DNAH14: variants seen among roughly 807,000 people sequenced by gnomAD.
DNAH14 encodes the protein dynein axonemal heavy chain 14.
DNAH14 carries 478 observed loss-of-function variants against 520.9 expected under a neutral mutation model. The observed-to-expected ratio is 0.92, with a 90% CI of 0.85 to 0.99. DNAH14 has a LOEUF of 0.99. Ranked by LOEUF, DNAH14 falls within the 50% of genes least tolerant of loss-of-function variation. DNAH14 has a pLI of 0.00. For missense variants in DNAH14, 4,831 were observed against 5,234.5 expected (o/e 0.92, Z 2.38); for synonymous variants, 1,581 against 1,757.2 (o/e 0.90, Z 2.51).
At chr1:225,273,727 C>A (rs1286268910) in intron 52 of DNAH14, among the ~76,000 whole-genome samples, 1 of 152,158 alleles carries the variant, frequency 6.6e-6, no homozygotes, top group Non-Finnish European at 1.5e-5. Flanking sequence ...TCATCCTTCT[C>A]CGTCTCTTTG....
intron 1 of DNAH14, among the ~76,000 whole-genome samples, chr1:224,935,625 T>C (rs996616001): frequency 2.6e-5 from 4 of 151,862 alleles, no homozygotes; most frequent in Admixed American, 6.6e-5. Flanking sequence ...GTAGGGGACT[T>C]CAATACCCCA....
chr1:225,252,869 A>G (rs1054580767), intron 44 of DNAH14, among the ~76,000 whole-genome samples: 1 of 152,190 alleles, frequency 6.6e-6, no homozygotes, highest in Admixed American at 6.5e-5. Flanking sequence ...TTTATTCCCA[A>G]TCTTCTGCAT....
rs1307551014 is a variant in DNAH14, at chr1:225,264,239, T to C, written c.7200T>C (p.His2400=). The C allele has an allele frequency of 3.2e-6, 5 of 1,550,058 alleles. No homozygotes were observed. The highest frequency in any genetic ancestry group is 8.7e-7 in the Non-Finnish European group (1 of 1,145,856). ...QNITILIPET[H]KTATGSSDNP... ...TCACCATCTTGATTCCTGAAACTCA[T>C]AAGACAGCAACTGGAAGTTCAGGTA... The change falls in exon 47 of 86, where the codon CAT becomes CAC. Residue 2400 remains histidine (H), a synonymous_variant. Coordinates refer to ENST00000682510, the MANE Select transcript of DNAH14 (RefSeq NM_001367479.1).
At chr1:225,159,227 C>G in intron 34 of DNAH14, 87 bp from the exon 35 acceptor site, 1 of 1,114,938 alleles carries the variant, frequency 9.0e-7, no homozygotes, top group South Asian at 1.5e-5. Flanking sequence ...GATAGCCACC[C>G]CTAAAACAGA....
intron 37 of DNAH14, among the ~76,000 whole-genome samples, chr1:225,185,818 C>T (rs1029525982): frequency 6.6e-6 from 1 of 151,318 alleles, no homozygotes; most frequent in East Asian, 1.9e-4. Flanking sequence ...ACAATGTTAA[C>T]TGTAATATTT....
chr1:225,340,342 A>G, intron 68 of DNAH14, 115 bp from the exon 69 acceptor site: 1 of 1,142,776 alleles, frequency 8.8e-7, no homozygotes, highest in African/African-American at 1.6e-5. Flanking sequence ...AAAGCTGAAA[A>G]ACACTAAAAA....
rs2095369770 is a variant in DNAH14, at chr1:225,351,877, G to C, written c.11527G>C (p.Glu3843Gln). 2 of 1,550,222 alleles carry C rather than the reference G, an allele frequency of 1.3e-6. No homozygotes were observed. Among genetic ancestry groups the C allele is most frequent in the Non-Finnish European group, 8.7e-7 (1 of 1,146,092 alleles). ...ATTGGAGGAAAATACAAAACCACCA[G>C]AGGAAAGTAAGAAAGCATTCAGTGT... ...ASLEENTKPP[E>Q]ETELLNENKE... The change falls in exon 72 of 86, where the codon GAG becomes CAG. Residue 3843 changes from glutamate (E) to glutamine (Q), a missense_variant. Transcript: ENST00000682510.
chr1:225,166,640 G>A (rs73135010), intron 35 of DNAH14, among the ~76,000 whole-genome samples: 5,090 of 152,174 alleles, frequency 0.033, 271 homozygotes, highest in African/African-American at 0.12. Flanking sequence ...TTGCTCACTT[G>A]AGATACAAGA....
At chr1:225,213,602 C>G (rs577549571) in intron 41 of DNAH14, among the ~76,000 whole-genome samples, 3 of 152,150 alleles carry the variant, frequency 2.0e-5, no homozygotes, top group Non-Finnish European at 4.4e-5. Flanking sequence ...GTTTCTAATT[C>G]TCCTTGAAGA....
intron 15 of DNAH14, among the ~76,000 whole-genome samples, chr1:225,046,424 A>G (rs1483193072): frequency 1.3e-5 from 2 of 152,108 alleles, no homozygotes; most frequent in Admixed American, 1.3e-4. Flanking sequence ...TAATTCTATT[A>G]TGATTTCATT....
intron 17 of DNAH14, among the ~76,000 whole-genome samples, chr1:225,073,677 G>T (rs371707661): frequency 2.0e-5 from 3 of 149,864 alleles, no homozygotes; most frequent in South Asian, 2.1e-4. Flanking sequence ...TGTTGTTGTT[G>T]TTTGTTTTTG....
At chr1:225,337,219 G>T (rs777500699) in intron 66 of DNAH14, 47 bp from the exon 67 acceptor site, 29 of 1,450,780 alleles carry the variant, frequency 2.0e-5, no homozygotes. Context: ...TACTAAAGAT[G>T]TGAAGACATT....
At chr1:225,121,765 C>T (rs958738734) in intron 26 of DNAH14, among the ~76,000 whole-genome samples, 15 of 151,904 alleles carry the variant, frequency 9.9e-5, no homozygotes, top group Non-Finnish European at 2.1e-4. Flanking sequence ...CCCTTGAACC[C>T]GGGAGGCGGA....
chr1:225,182,769 G>C (rs975300681), intron 36 of DNAH14, among the ~76,000 whole-genome samples: 1 of 152,170 alleles, frequency 6.6e-6, no homozygotes, highest in Non-Finnish European at 1.5e-5. Context: ...AGGCTGGTGA[G>C]CACAAAGAGA....
At chr1:225,189,733 TG>T (rs2085178697) in intron 37 of DNAH14, among the ~76,000 whole-genome samples, 1 of 152,044 alleles carries the variant, frequency 6.6e-6, no homozygotes, top group Non-Finnish European at 1.5e-5. Flanking sequence ...ATCATGTTTT[TG>T]TTTCTTCACT....
intron 1 of DNAH14, among the ~76,000 whole-genome samples, chr1:224,935,176 G>A (rs1211488788): frequency 1.3e-5 from 2 of 151,618 alleles, no homozygotes; most frequent in African/African-American, 4.8e-5. Flanking sequence ...GAAAAATAAA[G>A]GAACAAAGAA....
chr1:225,119,045 G>A (rs965079184), intron 25 of DNAH14, among the ~76,000 whole-genome samples, 175 bp from the exon 26 acceptor site: 1 of 151,946 alleles, frequency 6.6e-6, no homozygotes, highest in Non-Finnish European at 1.5e-5. Flanking sequence ...ATGTTCATAT[G>A]TTTTCTGCAT....
At chr1:225,226,307 A>T (rs2090527112) in intron 41 of DNAH14, among the ~76,000 whole-genome samples, 1 of 152,144 alleles carries the variant, frequency 6.6e-6, no homozygotes, top group African/African-American at 2.4e-5. Context: ...ATATCGCTCC[A>T]CTATCCTCCC....
Position 225,399,164 on chromosome 1 carries a change from T to C in DNAH14, c.13749T>C (p.Gly4583=). Residue 4583 remains glycine, a synonymous_variant, in exon 86 of 86, where the codon GGT becomes GGC. Coordinates refer to ENST00000682510, the MANE Select transcript of DNAH14 (RefSeq NM_001367479.1). ...PERSRILATT[G]LPTNFLTSVY... is the part of the protein sequence containing the mutation. ...GGTCAAGAATTTTGGCAACTACCGG[T>C]TTACCAACAAACTTTTTAACATCAG... is the stretch of plus-strand genomic sequence containing the variant. 6.4e-7 allele frequency: 1 copy of C among 1,551,638 alleles called. No homozygotes were observed. The highest frequency in any genetic ancestry group is 8.7e-7 in the Non-Finnish European group (1 of 1,146,928).
Sources: allele counts gnomAD v4.1 joint callset (sites outside exome capture counted in the v4.1 genomes callset), GRCh38; gene constraint gnomAD v4.1.1; transcripts MANE v1.5; gene names NCBI Gene and HGNC (gene_info 2026-07-23, HGNC 2026-07-21).